Variants in MRPL39 observed in about 807,000 individuals in gnomAD.
The protein encoded by MRPL39 is mitochondrial ribosomal protein L39.
In MRPL39, 35 loss-of-function variants were observed where a neutral mutation model predicts 44.5. That is an observed-to-expected ratio of 0.79 (90% CI 0.60 to 1.04). The LOEUF is 1.04. Ranked by LOEUF, MRPL39 falls within the 50% of genes least tolerant of loss-of-function variation. The pLI, the probability that MRPL39 is intolerant of heterozygous loss-of-function variation, is 0.00. For synonymous variants in MRPL39, 139 were observed against 136.1 expected, an observed-to-expected ratio of 1.02 and a Z score of -0.15; for missense variants, 433 against 413.5, an observed-to-expected ratio of 1.05 and a Z score of -0.41.
chr21:25,592,621 G>A (rs1238136066), intron 8 of MRPL39, among the ~76,000 whole-genome samples, 191 bp downstream of exon 8: 1 of 151,984 alleles, frequency 6.6e-6, no homozygotes, highest in Non-Finnish European at 1.5e-5. Context: ...TTCAACTAAT[G>A]TTTCTTTTGT....
chr21:25,598,450 AAAAG>A (rs2031425498), intron 5 of MRPL39, among the ~76,000 whole-genome samples: 1 of 66,980 alleles, frequency 1.5e-5, no homozygotes, highest in Admixed American at 1.4e-4. Context: ...AAAAAAAAAA[AAAAG>A]AGAGAGAAAG....
rs1568866480 is a variant in MRPL39 at position 25,603,916 on chromosome 21, G to GC, written c.299dup (p.Cys100TrpfsTer18). 1.1e-5 allele frequency: 18 copies of GC among 1,609,124 alleles called. No individual in the cohort carries two copies. Among genetic ancestry groups the GC allele is most frequent in the Non-Finnish European group, 1.5e-5 (18 of 1,178,682 alleles). On this transcript the variant is annotated frameshift_variant, in exon 3 of 10. Transcript: ENST00000352957. LOFTEE classifies it high-confidence loss of function. ...CCACCAGAGCCAGAATGGACTTCCT[G>GC]CAATACCACTCGCTTAAATCTAGAA...
At chr21:25,607,273 C>A in intron 1 of MRPL39, 130 bp downstream of exon 1, 1 of 978,152 alleles carries the variant, frequency 1.0e-6, no homozygotes, top group African/African-American at 1.6e-5. Context: ...GAGCGACCGC[C>A]GCGGAGGGAC....
chr21:25,591,707 A>G (rs2031184735), intron 8 of MRPL39, among the ~76,000 whole-genome samples: 1 of 152,196 alleles, frequency 6.6e-6, no homozygotes, highest in African/African-American at 2.4e-5. Flanking sequence ...GGAAAAACTG[A>G]TCACTCACAC....
At chr21:25,603,374 T>C (rs919049006) in intron 3 of MRPL39, among the ~76,000 whole-genome samples, 3 of 152,082 alleles carry the variant, frequency 2.0e-5, no homozygotes, top group African/African-American at 7.2e-5. Context: ...AGTCACTTAA[T>C]AAAGCTGTTA....
intron 5 of MRPL39, among the ~76,000 whole-genome samples, chr21:25,598,853 G>GA (rs1228884705): frequency 5.2e-5 from 2 of 38,662 alleles, no homozygotes; most frequent in African/African-American, 1.1e-4. Flanking sequence ...GTATTACTAA[G>GA]GGGAAAAAAA....
intron 5 of MRPL39, among the ~76,000 whole-genome samples, chr21:25,598,870 A>C (rs1447281589): frequency 6.6e-6 from 1 of 152,000 alleles, no homozygotes; most frequent in African/African-American, 2.4e-5. Flanking sequence ...AAAAAAAAAA[A>C]AAAACACTAC....
Position 25,588,874 on chromosome 21 carries a change from A to G in MRPL39, c.930T>C (p.Phe310=). The G allele has an allele frequency of 6.2e-7, 1 of 1,612,908 alleles. No individual in the cohort carries two copies. The highest frequency in any genetic ancestry group is 8.5e-7 in the Non-Finnish European group (1 of 1,179,320). The change falls in exon 9 of 10, where the codon TTT becomes TTC. Residue 310 remains phenylalanine, a synonymous_variant. Transcript: ENST00000352957. ...TTTCCAATAGCTTATCCCATATTGT[A>G]AAATGTGCCTTGAAAAGAAAAGATT... ...VSLPVHLRAH[F]TIWDKLLERS... is the part of the protein sequence containing the mutation.
rs202074296 is a variant in MRPL39, at chr21:25,599,822, G to A, written c.565C>T (p.Leu189Phe). 1.8e-4 allele frequency: 298 copies of A among 1,613,550 alleles called. No homozygotes were observed. Among genetic ancestry groups the A allele is most frequent in the Non-Finnish European group, 2.5e-4 (292 of 1,179,666 alleles). The change falls in exon 5 of 10, where the codon CTT becomes TTT. Residue 189 changes from leucine (L) to phenylalanine (F), a missense_variant. Coordinates refer to ENST00000352957, the MANE Select transcript of MRPL39 (RefSeq NM_017446.4). ...FCYDVVLDSK[L>F]DEWMPTKENL... ...ACTTTTGTTGGCATCCACTCATCAA[G>A]TTTGCTATCCAAAACTACGTCATAA...
upstream of MRPL39, chr21:25,607,495 G>C: frequency 1.9e-6 from 3 of 1,608,466 alleles, no homozygotes; most frequent in Non-Finnish European, 2.5e-6. Context: ...GAGAACCGTC[G>C]CGCGCAAGTC....
rs199510789 is a variant in MRPL39 at position 25,588,859 on chromosome 21, C to T, written c.945G>A (p.Lys315=). Residue 315 remains lysine, a synonymous_variant, in exon 9 of 10, where the codon AAG becomes AAA. Coordinates refer to ENST00000352957, the MANE Select transcript of MRPL39 (RefSeq NM_017446.4). ...HLRAHFTIWD[K]LLERSRKMVT... ...CCATTTTCCGAGATCTTTCCAATAG[C>T]TTATCCCATATTGTAAAATGTGCCT... 156 of 1,612,976 alleles carry T rather than the reference C, an allele frequency of 9.7e-5. 1 individual carries two copies. The Middle Eastern group carries it at 1.2e-3, about 12-fold the overall frequency.
chr21:25,585,872 T>C lies in MRPL39; in HGVS notation c.970-118A>G, dbSNP rs2030983717. The stretch of plus-strand genomic sequence containing the variant: ...ATGACCCTTTATCTTTCCCCTTAAA[T>C]AGTAGAATAGAAAGTTAGGTAAGAA... On this transcript the variant is annotated intron_variant, in intron 9 of 9. Transcript: ENST00000352957. 6.0e-6 allele frequency: 4 copies of C among 663,908 alleles called. 1 individual carries two copies. The highest frequency in any genetic ancestry group is 6.1e-5 in the East Asian group (2 of 32,670). 41.1% of individuals were successfully genotyped at this position (663,908 alleles called of 1,614,324 possible).
intron 9 of MRPL39, chr21:25,587,628 C>T (rs1046808251): frequency 8.5e-7 from 1 of 1,176,848 alleles, no homozygotes; most frequent in Non-Finnish European, 1.2e-6. Context: ...GCAAAGAAAA[C>T]AATCAAAAAA....
At chr21:25,593,698 C>CCACAAGT (rs2031252647) in intron 7 of MRPL39, among the ~76,000 whole-genome samples, 195 bp downstream of exon 7, 1 of 152,112 alleles carries the variant, frequency 6.6e-6, no homozygotes, top group Non-Finnish European at 1.5e-5. Flanking sequence ...ATTATAGAAA[C>CCACAAGT]CACAAGTGTT....
chr21:25,603,387 T>C (rs2031575228), intron 3 of MRPL39, among the ~76,000 whole-genome samples: 1 of 152,160 alleles, frequency 6.6e-6, no homozygotes. Context: ...AGCTGTTATA[T>C]GCCTGTAAAA....
intron 8 of MRPL39, among the ~76,000 whole-genome samples, chr21:25,591,921 TGATG>T (rs2031190819): frequency 6.6e-6 from 1 of 152,218 alleles, no homozygotes; most frequent in Non-Finnish European, 1.5e-5. Context: ...AGATGTCCTT[TGATG>T]GATGAATGGT....
intron 9 of MRPL39, chr21:25,587,650 C>T (rs763960448): frequency 4.7e-6 from 6 of 1,265,968 alleles, no homozygotes; most frequent in Admixed American, 3.4e-5. Flanking sequence ...AGTATGTGGA[C>T]ATATACAATC....
At chr21:25,588,987 G>T in intron 8 of MRPL39, 105 bp from the exon 9 acceptor site, 1 of 997,366 alleles carries the variant, frequency 1.0e-6, no homozygotes, top group Non-Finnish European at 1.5e-6. Flanking sequence ...AAAAAGCTAG[G>T]CAGTACTAAT....
chr21:25,600,363 T>TC (rs1321904395), intron 4 of MRPL39, among the ~76,000 whole-genome samples: 3 of 115,380 alleles, frequency 2.6e-5, no homozygotes, highest in African/African-American at 1.0e-4. Flanking sequence ...GCCACTGCAC[T>TC]CCAGCCTTGG....
Sources: allele counts gnomAD v4.1 joint callset (sites outside exome capture counted in the v4.1 genomes callset), GRCh38; gene constraint gnomAD v4.1.1; transcripts MANE v1.5; gene names NCBI Gene and HGNC (gene_info 2026-07-23, HGNC 2026-07-21).